Variants in SYNPR observed in about 807,000 individuals in gnomAD.
SYNPR encodes synaptoporin.
SYNPR carries 23 observed loss-of-function variants against 32.9 expected under a neutral mutation model. The ratio of observed to expected loss-of-function variants is 0.70; its 90% CI spans 0.50 to 0.99. SYNPR has a LOEUF of 0.99. Ranked by LOEUF, SYNPR falls within the 50% of genes least tolerant of loss-of-function variation. The pLI, the probability that SYNPR is intolerant of heterozygous loss-of-function variation, is 0.00. For synonymous variants in SYNPR, 146 were observed against 135.9 expected (o/e 1.07, Z -0.52); for missense variants, 318 against 349.3 (o/e 0.91, Z 0.71).
chr3:63,243,871 A>T (rs2086265935), intron 1 of SYNPR, among the ~76,000 whole-genome samples: 1 of 151,814 alleles, frequency 6.6e-6, no homozygotes, highest in Admixed American at 6.6e-5. Context: ...GTGGAATAAA[A>T]AAAACAAAAA....
In SYNPR at chr3:63,493,507, G is replaced by C. The variant is rs1701295750; in HGVS notation, c.209+12551G>C. Among the ~76,000 whole-genome samples, 6 of 152,110 alleles carry C rather than the reference G, an allele frequency of 3.9e-5. No homozygotes were observed. The South Asian group carries it at 1.2e-3, about 32-fold the overall frequency. ...TCCCCTACCTGCATGGTAACGTGTA[G>C]AAAGCTCATTTAAAATGGAGATTCC... On this transcript the variant is annotated intron_variant, in intron 3 of 5. Coordinates refer to ENST00000478300, the MANE Select transcript of SYNPR (RefSeq NM_001130003.2).
In SYNPR at chr3:63,616,695, A is replaced by G. The variant is rs768110825; in HGVS notation, c.*1214A>G. 34 of 152,566 alleles carry G rather than the reference A, an allele frequency of 2.2e-4. No homozygotes were observed. Among genetic ancestry groups the G allele is most frequent in the Non-Finnish European group, 4.1e-4 (28 of 68,034 alleles). The allele number at this position is 152,566 out of a possible 1,614,324, so 9.5% of individuals were successfully genotyped here. A position where few individuals can be genotyped will look rare whatever the true frequency, so the allele number is the denominator to read the frequency against. On this transcript the variant is annotated 3_prime_UTR_variant, in exon 6 of 6. Transcript: ENST00000478300. ...TGTCAATCGTCACTTCCTCGTTTTAACTCAGCTGAAACACCAGGACCCAAT... is the reference window on the plus strand; with the variant it reads ...TGTCAATCGTCACTTCCTCGTTTTAGCTCAGCTGAAACACCAGGACCCAAT...
intron 2 of SYNPR, among the ~76,000 whole-genome samples, chr3:63,476,784 C>A (rs550511200): frequency 6.6e-6 from 1 of 152,174 alleles, no homozygotes; most frequent in Non-Finnish European, 1.5e-5. Flanking sequence ...TAACTCCCCT[C>A]AAAACGTGAA....
rs1441263467 is a variant in SYNPR, at chr3:63,269,585, T to C, written n.287+2136T>C. On this transcript the variant is annotated intron_variant and non_coding_transcript_variant, in intron 3 of 4. Coordinates refer to the SYNPR transcript ENST00000478456. ...ATGTGATTATTGTTATTAGCACCAA[T>C]TGTGTCTCAGATGAAAAGGAATTTA... Among the ~76,000 whole-genome samples the C allele has an allele frequency of 2.0e-5, 3 of 152,184 alleles. No individual in the cohort carries two copies. The East Asian group carries it at 5.8e-4, about 29-fold the overall frequency.
chr3:63,208,504 C>G, the SYNPR span, among the ~76,000 whole-genome samples: 2 of 152,174 alleles, frequency 1.3e-5, no homozygotes, highest in South Asian at 2.1e-4. Flanking sequence ...TCTGGTTTGT[C>G]CTCTAGGAAA....
chr3:63,573,599 G>A (rs568623906), intron 4 of SYNPR, among the ~76,000 whole-genome samples: 1 of 152,268 alleles, frequency 6.6e-6, no homozygotes, highest in Admixed American at 6.5e-5. Flanking sequence ...TGTTTTATCA[G>A]TGGAAGCCTA....
chr3:63,223,731 G>GC (rs1317936140), upstream of SYNPR, among the ~76,000 whole-genome samples: 2 of 152,114 alleles, frequency 1.3e-5, no homozygotes, highest in African/African-American at 2.4e-5. Context: ...TAAAAGGACT[G>GC]CCCCCCTCTT....
Position 63,296,617 on chromosome 3 carries a change from G to T in SYNPR, c.84+17875G>T, listed in dbSNP as rs549597094. Among the ~76,000 whole-genome samples the T allele has an allele frequency of 2.9e-4, 44 of 152,254 alleles. No homozygotes were observed. In the Middle Eastern group the frequency reaches 0.027, roughly 94 times the overall value. On this transcript the variant is annotated intron_variant, in intron 2 of 5. Transcript: ENST00000478300. Reference sequence around the variant, plus strand: ...TAAAAACATTGGGAGTACATCTTGGGCCCAAACCTTAATGGAAATGGGGGC... The same window carrying T: ...TAAAAACATTGGGAGTACATCTTGGTCCCAAACCTTAATGGAAATGGGGGC...
chr3:63,421,496 A>G (rs898053447), intron 2 of SYNPR, among the ~76,000 whole-genome samples: 1 of 151,702 alleles, frequency 6.6e-6, no homozygotes, highest in African/African-American at 2.4e-5. Context: ...CTAAATATAT[A>G]TATATAATAT....
intron 2 of SYNPR, among the ~76,000 whole-genome samples, chr3:63,369,299 G>T (rs918661847): frequency 1.3e-5 from 2 of 152,134 alleles, no homozygotes; most frequent in Admixed American, 6.5e-5. Flanking sequence ...AGAACTCTGA[G>T]AAAATAAAGT....
At chr3:63,445,586 T>A in intron 2 of SYNPR, 1 of 700,778 alleles carries the variant, frequency 1.4e-6, no homozygotes, top group Non-Finnish European at 2.6e-6. Context: ...AGTAAGTACA[T>A]CCTATATGCC....
chr3:63,396,842 C>T (rs1456181631), intron 2 of SYNPR, among the ~76,000 whole-genome samples: 4 of 152,164 alleles, frequency 2.6e-5, no homozygotes, highest in African/African-American at 9.7e-5. Flanking sequence ...CGGTGGCTCA[C>T]GCCTGTAATC....
At chr3:63,305,393 C>T (rs539484851) in intron 2 of SYNPR, among the ~76,000 whole-genome samples, 3 of 151,992 alleles carry the variant, frequency 2.0e-5, no homozygotes, top group African/African-American at 7.2e-5. Context: ...TGGACAAATT[C>T]GTTACCCAGC....
intron 3 of SYNPR, among the ~76,000 whole-genome samples, chr3:63,267,845 G>A (rs796609817): frequency 3.6e-4 from 54 of 152,100 alleles, no homozygotes; most frequent in African/African-American, 1.2e-3. Flanking sequence ...CATGCCTGAG[G>A]TTTTTTTCAG....
intron 1 of SYNPR, among the ~76,000 whole-genome samples, chr3:63,230,473 C>T (rs901706567): frequency 6.6e-6 from 1 of 152,170 alleles, no homozygotes; most frequent in Non-Finnish European, 1.5e-5. Flanking sequence ...CTTCTCACAG[C>T]ACCTTAACCT....
At chr3:63,318,689 T>C (rs769129650) in intron 2 of SYNPR, among the ~76,000 whole-genome samples, 63 of 152,200 alleles carry the variant, frequency 4.1e-4, no homozygotes, top group Non-Finnish European at 5.4e-4. Context: ...TTTCTTTGCA[T>C]TGGGCTTTGC....
At chr3:63,506,708 A>C (rs923027997) in intron 3 of SYNPR, among the ~76,000 whole-genome samples, 3 of 152,218 alleles carry the variant, frequency 2.0e-5, no homozygotes, top group African/African-American at 7.2e-5. Flanking sequence ...TTCATATGGC[A>C]TACTTTGGGA....
At chr3:63,573,076 G>A (rs1702916862) in intron 4 of SYNPR, among the ~76,000 whole-genome samples, 1 of 152,082 alleles carries the variant, frequency 6.6e-6, no homozygotes, top group South Asian at 2.1e-4. Context: ...TTCCAATTAG[G>A]GGGACAACGG....
intron 2 of SYNPR, among the ~76,000 whole-genome samples, chr3:63,257,844 C>T (rs1011215245): frequency 2.6e-5 from 4 of 152,082 alleles, no homozygotes; most frequent in African/African-American, 9.7e-5. Flanking sequence ...CAGAGACACA[C>T]ATAGGCTTAA....
Sources: gnomAD v4.1 joint callset for allele counts (sites outside exome capture counted in the v4.1 genomes callset) on GRCh38, gnomAD v4.1.1 for gene constraint, MANE v1.5 for transcripts, NCBI Gene and HGNC (gene_info 2026-07-23, HGNC 2026-07-21) for gene names.